Variants in FGD4 observed in about 807,000 individuals in gnomAD.
FGD4 encodes FYVE, RhoGEF and PH domain-containing protein 4.
A neutral mutation model predicts 102.0 loss-of-function variants in FGD4; 42 were observed. The ratio of observed to expected loss-of-function variants is 0.41; its 90% CI spans 0.32 to 0.53. FGD4 has a LOEUF of 0.53. Ranked by LOEUF, FGD4 falls within the 20% of genes least tolerant of loss-of-function variation. The pLI, the probability that FGD4 is intolerant of heterozygous loss-of-function variation, is 0.21. For synonymous variants in FGD4, 380 were observed against 375.7 expected (o/e 1.01, Z -0.13); for missense variants, 902 against 1,078.2 (o/e 0.84, Z 2.29).
chr12:32,440,263 G>T (rs780941935), intron 1 of FGD4, among the ~76,000 whole-genome samples: 1 of 152,160 alleles, frequency 6.6e-6, no homozygotes, highest in Non-Finnish European at 1.5e-5. Context: ...AGTCTTCCTT[G>T]TCTGGGCTTG....
intron 1 of FGD4, among the ~76,000 whole-genome samples, chr12:32,537,137 T>C (rs1178790066): frequency 1.3e-5 from 2 of 152,130 alleles, no homozygotes; most frequent in Non-Finnish European, 2.9e-5. Context: ...CTCAATCTCC[T>C]GATCTCATTA....
intron 1 of FGD4, among the ~76,000 whole-genome samples, chr12:32,489,817 A>C (rs1364672890): frequency 2.0e-5 from 3 of 152,182 alleles, no homozygotes; most frequent in Non-Finnish European, 4.4e-5. Context: ...ATATTAAAAA[A>C]ATCAAGACTT....
At chr12:32,563,976 C>CAGAGGGAGACCGTGGAAAG (rs1220595379) in intron 1 of FGD4, among the ~76,000 whole-genome samples, 161 bp from the exon 2 acceptor site, 3 of 130,646 alleles carry the variant, frequency 2.3e-5, no homozygotes, top group Admixed American at 9.7e-5. Flanking sequence ...GGCTCGGCAT[C>CAGAGGGAGACCGTGGAAAG]AGAGGGAGAC....
intron 4 of FGD4, among the ~76,000 whole-genome samples, chr12:32,588,401 C>T (rs891899689): frequency 2.0e-5 from 3 of 152,184 alleles, no homozygotes; most frequent in Non-Finnish European, 2.9e-5. Context: ...GAAAAGGCCT[C>T]ACTGATAAAG....
rs183635684 is a variant in FGD4, at chr12:32,399,800, G to A, written c.7G>A (p.Asp3Asn). MS[D>N]EGGSNFRRVA... is the part of the protein sequence containing the mutation. ...GGCGGTCGAGCCCGGCAGGATGAGCGACGAGGGCGGCTCCAACTTCAGGCG... is the reference window on the plus strand; with the variant it reads ...GGCGGTCGAGCCCGGCAGGATGAGCAACGAGGGCGGCTCCAACTTCAGGCG... The change falls in exon 1 of 17, where the codon GAC becomes AAC. Residue 3 changes from aspartate to asparagine, a missense_variant. By Grantham distance (23) the Asp-to-Asn change is conservative (BLOSUM62 1). Transcript: ENST00000534526. 6.5e-7 allele frequency: 1 copy of A among 1,530,686 alleles called. No homozygotes were observed. The highest frequency in any genetic ancestry group is 8.7e-7 in the Non-Finnish European group (1 of 1,145,240). The allele number at this position is 1,530,686 out of a possible 1,614,324, so 94.8% of individuals were successfully genotyped here.
At chr12:32,517,068 G>A (rs1408078264) in intron 1 of FGD4, among the ~76,000 whole-genome samples, 1 of 152,170 alleles carries the variant, frequency 6.6e-6, no homozygotes, top group Non-Finnish European at 1.5e-5. Context: ...ATTCAAATCA[G>A]CAAGTATTTG....
At chr12:32,412,864 G>C (rs555799447) in intron 1 of FGD4, among the ~76,000 whole-genome samples, 206 of 149,940 alleles carry the variant, frequency 1.4e-3, no homozygotes, top group Non-Finnish European at 2.4e-3. Context: ...ACAGGCATGA[G>C]CCACCGCGCC....
At chr12:32,593,252 G>A (rs1044371135) in intron 4 of FGD4, among the ~76,000 whole-genome samples, 1 of 152,132 alleles carries the variant, frequency 6.6e-6, no homozygotes, top group African/African-American at 2.4e-5. Context: ...GTGAATAAGT[G>A]TTAGTTTTTG....
At chr12:32,442,549 C>T (rs1304393937) in intron 1 of FGD4, among the ~76,000 whole-genome samples, 2 of 146,676 alleles carry the variant, frequency 1.4e-5, no homozygotes, top group Non-Finnish European at 3.0e-5. Context: ...TCTGCCTCTC[C>T]CATCTTTCAT....
intron 1 of FGD4, among the ~76,000 whole-genome samples, chr12:32,532,499 G>A (rs1565810942): frequency 6.6e-6 from 1 of 151,948 alleles, no homozygotes; most frequent in Non-Finnish European, 1.5e-5. Context: ...TTATTACCCT[G>A]CAATAAGGAC....
intron 2 of FGD4, among the ~76,000 whole-genome samples, chr12:32,573,245 G>A (rs1292624436): frequency 6.6e-6 from 1 of 152,062 alleles, no homozygotes; most frequent in Non-Finnish European, 1.5e-5. Context: ...ACAAGCGCCC[G>A]CCACCAAACC....
intron 1 of FGD4, among the ~76,000 whole-genome samples, chr12:32,554,006 C>A (rs1943902738): frequency 3.3e-5 from 5 of 152,262 alleles, no homozygotes; most frequent in Middle Eastern, 3.4e-3. Flanking sequence ...GTGGGAGGAT[C>A]ACTTGAGCTC....
At chr12:32,455,554 G>C (rs1176097713) in intron 1 of FGD4, among the ~76,000 whole-genome samples, 1 of 152,048 alleles carries the variant, frequency 6.6e-6, no homozygotes, top group African/African-American at 2.4e-5. Context: ...ACGTACAAAG[G>C]TATTTACCCA....
chr12:32,518,788 T>C (rs1410939492), intron 1 of FGD4, among the ~76,000 whole-genome samples: 1 of 150,288 alleles, frequency 6.7e-6, no homozygotes, highest in Non-Finnish European at 1.5e-5. Context: ...GTTGTGAGAC[T>C]AAAGATACTA....
At chr12:32,483,258 T>G (rs1231857283) in intron 1 of FGD4, among the ~76,000 whole-genome samples, 2 of 152,170 alleles carry the variant, frequency 1.3e-5, no homozygotes, top group Non-Finnish European at 2.9e-5. Context: ...CCAGTAGGGA[T>G]AAATCTGTAT....
At chr12:32,535,842 C>T (rs1312335237) in intron 1 of FGD4, among the ~76,000 whole-genome samples, 1 of 152,098 alleles carries the variant, frequency 6.6e-6, no homozygotes, top group Non-Finnish European at 1.5e-5. Context: ...GAAGATGAAG[C>T]TTGAGAGGTG....
chr12:32,529,273 C>G (rs116750671), intron 1 of FGD4, among the ~76,000 whole-genome samples: 1,952 of 151,940 alleles, frequency 0.013, 42 homozygotes, highest in African/African-American at 0.044. Context: ...CACCACCACG[C>G]GCACCACCAC....
At chr12:32,488,369 A>G (rs1298883259) in intron 1 of FGD4, among the ~76,000 whole-genome samples, 2 of 152,150 alleles carry the variant, frequency 1.3e-5, no homozygotes, top group Non-Finnish European at 2.9e-5. Context: ...TACAGTCATA[A>G]AGATAATAAT....
chr12:32,461,972 G>A (rs1299530826), intron 1 of FGD4, among the ~76,000 whole-genome samples: 1 of 152,094 alleles, frequency 6.6e-6, no homozygotes, highest in Non-Finnish European at 1.5e-5. Flanking sequence ...TGATCCACCC[G>A]CCTCAGCCTC....
Sources: allele counts gnomAD v4.1 joint callset (sites outside exome capture counted in the v4.1 genomes callset), GRCh38; gene constraint gnomAD v4.1.1; transcripts MANE v1.5; gene names NCBI Gene and HGNC (gene_info 2026-07-23, HGNC 2026-07-21).